The following ZNF280D variants were observed in gnomAD, a reference collection of about 807,000 sequenced individuals.
ZNF280D encodes zinc finger protein 280D.
ZNF280D carries 39 observed loss-of-function variants against 94.7 expected under a neutral mutation model. That is an observed-to-expected ratio of 0.41 (90% CI 0.32 to 0.54). The LOEUF (loss-of-function observed/expected upper bound fraction) is 0.54. ZNF280D is among the 20% of genes least tolerant of loss of function. The pLI, the probability that ZNF280D is intolerant of heterozygous loss-of-function variation, is 0.22. For synonymous variants in ZNF280D, 398 were observed against 377.6 expected (o/e 1.05, Z -0.63); for missense variants, 1,090 against 1,149.3 (o/e 0.95, Z 0.75).
At chr15:56,646,477 C>G (rs1453604309) in intron 19 of ZNF280D, among the ~76,000 whole-genome samples, 1 of 152,104 alleles carries the variant, frequency 6.6e-6, no homozygotes, top group East Asian at 1.9e-4. Context: ...ATAAAAAGAC[C>G]ATTCACTGAG....
At chr15:56,663,735 A>C (rs2054108005) in intron 16 of ZNF280D, among the ~76,000 whole-genome samples, 1 of 152,154 alleles carries the variant, frequency 6.6e-6, no homozygotes, top group South Asian at 2.1e-4. Flanking sequence ...GAATGTTCCC[A>C]TCACAAAGAA....
chr15:56,662,667 A>G (rs2054021247), intron 16 of ZNF280D, among the ~76,000 whole-genome samples: 1 of 152,046 alleles, frequency 6.6e-6, no homozygotes, highest in African/African-American at 2.4e-5. Context: ...TCTACTAAAA[A>G]TACAAAAATT....
rs977368904 is a variant in ZNF280D, at chr15:56,701,219, G to C, written c.195C>G (p.Asn65Lys). 1.3e-6 allele frequency: 2 copies of C among 1,570,590 alleles called. No individual in the cohort carries two copies. Among genetic ancestry groups the C allele is most frequent in the Non-Finnish European group, 8.7e-7 (1 of 1,155,412 alleles). The change falls in exon 5 of 22, where the codon AAC (asparagine) becomes AAG (lysine). Residue 65 changes from asparagine to lysine, a missense_variant. Transcript: ENST00000267807. ...TTAGTCCCCTTGAATATGAGCTGGG[G>C]TTAACTCTGTTCAAAATATCTATAA... ...PAISNILNRVNPSSYSRGLKN... is the reference protein window; with the variant it reads ...PAISNILNRVKPSSYSRGLKN...
At position 56,689,902 on chromosome 15, in the gene ZNF280D, T is replaced by G. The variant is rs138870338; in HGVS notation, c.500-432A>C. Among the ~76,000 whole-genome samples the G allele has an allele frequency of 3.1e-3, 467 of 152,286 alleles. 2 individuals are homozygous for G. The highest frequency in any genetic ancestry group is 0.029 in the South Asian group (140 of 4,828). On this transcript the variant is annotated intron_variant, in intron 7 of 21. Transcript: ENST00000267807. Reference sequence around the variant, plus strand: ...ACCTGTTTCAAAAATTTAGAGATACTCTTAAGATGCTTTTTTCAATTTAAC... The same window carrying G: ...ACCTGTTTCAAAAATTTAGAGATACGCTTAAGATGCTTTTTTCAATTTAAC...
intron 13 of ZNF280D, among the ~76,000 whole-genome samples, chr15:56,672,600 T>C (rs1470826580): frequency 6.6e-6 from 1 of 152,066 alleles, no homozygotes; most frequent in Non-Finnish European, 1.5e-5. Context: ...GTGAAGATTT[T>C]TGCATCGAGG....
intron 1 of ZNF280D, among the ~76,000 whole-genome samples, chr15:56,719,341 A>C (rs1033662983): frequency 7.7e-4 from 89 of 116,052 alleles, no homozygotes; most frequent in African/African-American, 2.2e-3. Context: ...AAAAAAAAAA[A>C]CAAAAAACAA....
intron 16 of ZNF280D, among the ~76,000 whole-genome samples, chr15:56,664,811 A>G (rs1177103486): frequency 2.0e-5 from 3 of 152,210 alleles, no homozygotes; most frequent in African/African-American, 7.2e-5. Flanking sequence ...GAAGAGGTTC[A>G]AATCTTACCT....
chr15:56,688,681 A>G (rs1472485376), intron 9 of ZNF280D: 3 of 154,682 alleles, frequency 1.9e-5, no homozygotes, highest in African/African-American at 7.2e-5. Context: ...CATGGACACA[A>G]AAATAAGGTA....
intron 4 of ZNF280D, 114 bp from the exon 5 acceptor site, chr15:56,701,352 T>A: frequency 1.5e-6 from 1 of 672,884 alleles, no homozygotes; most frequent in Non-Finnish European, 2.4e-6. Flanking sequence ...AGTATATAAC[T>A]AATCACTGAT....
In ZNF280D at chr15:56,632,193, C is replaced by T. The variant is rs562613665; in HGVS notation, c.2316-71G>A. 3.2e-5 allele frequency: 42 copies of T among 1,319,232 alleles called. No individual in the cohort carries two copies. The African/African-American group carries it at 5.0e-4, about 16-fold the overall frequency. The allele number at this position is 1,319,232 out of a possible 1,614,324, so 81.7% of individuals were successfully genotyped here. A position where few individuals can be genotyped will look rare whatever the true frequency, so the allele number is the denominator to read the frequency against. On this transcript the variant is annotated intron_variant, in intron 21 of 21. Transcript: ENST00000267807. ...TTTTTGAACACTGTCAAAATAAAGA[C>T]GTGTTCTAAAAAATAAAAAGTCAAG...
At chr15:56,637,577 A>T (rs2052414904) in intron 20 of ZNF280D, among the ~76,000 whole-genome samples, 1 of 152,186 alleles carries the variant, frequency 6.6e-6, no homozygotes, top group South Asian at 2.1e-4. Context: ...TTTCATGCAG[A>T]TTGTGCACAC....
intron 6 of ZNF280D, among the ~76,000 whole-genome samples, chr15:56,696,832 A>G (rs1029273520): frequency 6.6e-6 from 1 of 152,212 alleles, no homozygotes; most frequent in Non-Finnish European, 1.5e-5. Flanking sequence ...CCAACTGGCA[A>G]AACCTCTCAT....
chr15:56,730,188 C>A (rs1315150777), intron 1 of ZNF280D: 3 of 152,104 alleles, frequency 2.0e-5, no homozygotes, highest in Non-Finnish European at 4.4e-5. Context: ...AAATTCTAAA[C>A]ATACAATTTT....
rs2057467626 is a variant in ZNF280D at position 56,707,306 on chromosome 15, C to T, written c.-85G>A. 1 of 1,527,150 alleles carries T rather than the reference C, an allele frequency of 6.5e-7. No individual in the cohort carries two copies. The highest frequency in any genetic ancestry group is 1.4e-5 in the African/African-American group (1 of 72,890). The allele number at this position is 1,527,150 out of a possible 1,614,324, so 94.6% of individuals were successfully genotyped here. ...CCAGCAAGTTATTTCTGTTTTCCTT[C>T]CTATAAAATAAAGATACCAACTATT... is the stretch of plus-strand genomic sequence containing the variant. On this transcript the variant is annotated splice_region_variant and 5_prime_UTR_variant, in exon 2 of 22. Transcript: ENST00000267807.
chr15:56,695,574 G>C (rs886832715), intron 6 of ZNF280D, among the ~76,000 whole-genome samples: 5 of 138,786 alleles, frequency 3.6e-5, no homozygotes, highest in South Asian at 2.3e-4. Flanking sequence ...TCTGTCACCA[G>C]GCTGGAGTGC....
At chr15:56,706,898 A>G (rs978115015) in intron 3 of ZNF280D, among the ~76,000 whole-genome samples, 184 bp downstream of exon 3, 3 of 152,132 alleles carry the variant, frequency 2.0e-5, no homozygotes, top group Non-Finnish European at 4.4e-5. Context: ...ATAATGGGGG[A>G]AAACACTTCT....
In ZNF280D at chr15:56,666,736, C is replaced by T. The variant is rs2054317397; in HGVS notation, c.1796G>A (p.Ser599Asn). The T allele has an allele frequency of 1.2e-6, 2 of 1,612,932 alleles. No homozygotes were observed. The highest frequency in any genetic ancestry group is 1.7e-5 in the Admixed American group (1 of 59,842). The change falls in exon 15 of 22, where the codon AGC becomes AAC. Residue 599 changes from serine to asparagine, a missense_variant. This residue lies in a region of ZNF280D where 577 missense variants were observed against 568.8 expected (regional missense o/e 1.01). Coordinates refer to ENST00000267807, the MANE Select transcript of ZNF280D (RefSeq NM_017661.4). ...TTTTTTATTGCTACTAGCCAATGTGCTTTGTTTCTTTTGCATATTAGAGAT... is the reference window on the plus strand; with the variant it reads ...TTTTTTATTGCTACTAGCCAATGTGTTTTGTTTCTTTTGCATATTAGAGAT... ...PKISNMQKKQ[S>N]TLASSNKKSK...
intron 9 of ZNF280D, among the ~76,000 whole-genome samples, chr15:56,683,214 G>A (rs541542405): frequency 6.6e-6 from 1 of 152,146 alleles, no homozygotes; most frequent in South Asian, 2.1e-4. Context: ...TAAAAGAGCT[G>A]AATAATAAAC....
At chr15:56,725,917 T>A (rs1448576815) in intron 1 of ZNF280D, among the ~76,000 whole-genome samples, 1 of 152,188 alleles carries the variant, frequency 6.6e-6, no homozygotes, top group Non-Finnish European at 1.5e-5. Context: ...AAAATTACTT[T>A]GTCTTCATCC....
Sources: allele counts gnomAD v4.1 joint callset (sites outside exome capture counted in the v4.1 genomes callset), GRCh38; gene constraint gnomAD v4.1.1; regional missense constraint gnomAD v4.1.1; transcripts MANE v1.5; gene names NCBI Gene and HGNC (gene_info 2026-07-23, HGNC 2026-07-21).